Variants in ASNS observed in about 807,000 individuals in gnomAD.
ASNS encodes asparagine synthetase [glutamine-hydrolyzing].
ASNS carries 37 observed loss-of-function variants against 62.6 expected under a neutral mutation model. That is an observed-to-expected ratio of 0.59 (90% CI 0.45 to 0.78). The LOEUF (loss-of-function observed/expected upper bound fraction) is 0.78, where lower values mean the gene tolerates loss of function less well. Ranked by LOEUF, ASNS falls within the 30% of genes least tolerant of loss-of-function variation. The pLI is 0.00. For synonymous variants in ASNS, 207 were observed against 237.9 expected, an observed-to-expected ratio of 0.87 and a Z score of 1.19; for missense variants, 520 against 682.4, an observed-to-expected ratio of 0.76 and a Z score of 2.65.
chr7:97,917,570 C>A, the ASNS span, among the ~76,000 whole-genome samples: 1 of 152,242 alleles, frequency 6.6e-6, no homozygotes, highest in African/African-American at 2.4e-5. Context: ...CTTCCAGTCT[C>A]GGGCCTAGAA....
the ASNS span, among the ~76,000 whole-genome samples, chr7:97,894,062 T>G: frequency 6.6e-5 from 10 of 152,246 alleles, no homozygotes; most frequent in East Asian, 9.6e-4. Flanking sequence ...TTGAAATCAA[T>G]AAGAAGAAGA....
the ASNS span, among the ~76,000 whole-genome samples, chr7:97,885,488 C>T: frequency 1.3e-5 from 2 of 152,234 alleles, no homozygotes; most frequent in Admixed American, 1.3e-4. Context: ...CCTTTCCTCA[C>T]CCTGTGAGAC....
In ASNS at chr7:97,852,077, T is replaced by C; in HGVS notation, c.*182A>G. The C allele has an allele frequency of 1.5e-6, 1 of 658,942 alleles. No homozygotes were observed. Among genetic ancestry groups the C allele is most frequent in the Non-Finnish European group, 2.5e-6 (1 of 393,544 alleles). 40.8% of individuals were successfully genotyped at this position (658,942 alleles called of 1,614,324 possible). A position where few individuals can be genotyped will look rare whatever the true frequency, so the allele number is the denominator to read the frequency against. ...TTACTGTGATACAGCAAAACAGTTC[T>C]AGTTACCTCTTATGAAGAGACTGCA... On this transcript the variant is annotated 3_prime_UTR_variant, in exon 13 of 13. Transcript: ENST00000394308.
chr7:97,862,470 G>A (rs1791765884), intron 4 of ASNS, among the ~76,000 whole-genome samples: 1 of 152,150 alleles, frequency 6.6e-6, no homozygotes, highest in African/African-American at 2.4e-5. Flanking sequence ...GAGGACGGGA[G>A]GAAAGAATAA....
the ASNS span, among the ~76,000 whole-genome samples, chr7:97,896,425 A>G: frequency 2.5e-4 from 33 of 134,252 alleles, no homozygotes; most frequent in African/African-American, 7.0e-4. Flanking sequence ...CGTCTCTACT[A>G]AAAAAAAAAA....
At chr7:97,921,766 G>A in the ASNS span, among the ~76,000 whole-genome samples, 3 of 152,180 alleles carry the variant, frequency 2.0e-5, no homozygotes, top group Non-Finnish European at 4.4e-5. Context: ...GGGCTTTGGA[G>A]TCCCACAAAC....
chr7:97,912,515 T>C, the ASNS span, among the ~76,000 whole-genome samples: 2 of 151,524 alleles, frequency 1.3e-5, no homozygotes, highest in Non-Finnish European at 2.9e-5. Context: ...AACAACAATC[T>C]TTGACAAATT....
At chr7:97,910,956 T>C in the ASNS span, among the ~76,000 whole-genome samples, 9 of 152,186 alleles carry the variant, frequency 5.9e-5, no homozygotes, top group African/African-American at 2.2e-4. Context: ...AGGGCTAACA[T>C]GGAATCTCTG....
At chr7:97,906,243 CCCA>C in the ASNS span, among the ~76,000 whole-genome samples, 31 of 151,836 alleles carry the variant, frequency 2.0e-4, no homozygotes, top group South Asian at 6.2e-4. Flanking sequence ...CTACCAGTTT[CCCA>C]CCACCACCAC....
chr7:97,860,804 C>T (rs79921982), intron 4 of ASNS, among the ~76,000 whole-genome samples: 5,804 of 152,126 alleles, frequency 0.038, 136 homozygotes, highest in Non-Finnish European at 0.058. Flanking sequence ...ACTTGTGGGC[C>T]GTCTTTTCAC....
chr7:97,873,204 T>C (rs1792361844), upstream of ASNS, among the ~76,000 whole-genome samples: 1 of 152,270 alleles, frequency 6.6e-6, no homozygotes. Context: ...GATGATTATG[T>C]GCTTTTAAGT....
the ASNS span, among the ~76,000 whole-genome samples, chr7:97,911,339 A>G: frequency 6.6e-6 from 1 of 152,202 alleles, no homozygotes; most frequent in Non-Finnish European, 1.5e-5. Context: ...CATAACAATA[A>G]TAATAATAAA....
intron 4 of ASNS, among the ~76,000 whole-genome samples, chr7:97,860,202 T>A (rs1320994383): frequency 6.6e-6 from 1 of 152,144 alleles, no homozygotes; most frequent in Non-Finnish European, 1.5e-5. Context: ...GGATAGGGAA[T>A]GGGGAGTAAT....
chr7:97,896,739 C>CAAATATATATATATAT, the ASNS span, among the ~76,000 whole-genome samples: 2 of 32,000 alleles, frequency 6.3e-5, no homozygotes, highest in African/African-American at 6.9e-5. Context: ...CACACACACA[C>CAAATATATATATATAT]ACATATATAT....
Position 97,859,228 on chromosome 7 carries a change from C to G in ASNS, c.658G>C (p.Glu220Gln). ...TGTCTGCTACCTGGAAAGAGTTTCT[C>G]CACATTGTCATAGAGGGCGTGCAGG... ...VPLHALYDNVEKLFPGFEIET... is the reference protein window; with the variant it reads ...VPLHALYDNVQKLFPGFEIET... Residue 220 changes from glutamate (E) to glutamine (Q), a missense_variant, in exon 5 of 13, where the codon GAG becomes CAG. Transcript: ENST00000394308. 1 of 1,607,184 alleles carries G rather than the reference C, an allele frequency of 6.2e-7. No individual in the cohort carries two copies. The highest frequency in any genetic ancestry group is 8.5e-7 in the Non-Finnish European group (1 of 1,175,814).
chr7:97,854,583 T>G lies in ASNS; in HGVS notation c.1235A>C (p.His412Pro), dbSNP rs201394816. The change falls in exon 10 of 13, where the codon CAT becomes CCT. Residue 412 changes from histidine to proline, a missense_variant. Physicochemically the swap from His to Pro is moderately conservative, Grantham distance 77. Transcript: ENST00000394308. ...VLRADRTTAAHGLELRVPFLD... is the reference protein window; with the variant it reads ...VLRADRTTAAPGLELRVPFLD... ...CAATAGCCTCTAAAAATATTACCCA[T>G]GGGCAGCAGTAGTTCGATCTGCGCG... is the stretch of plus-strand genomic sequence containing the variant. 1.2e-6 allele frequency: 2 copies of G among 1,612,494 alleles called. No individual in the cohort carries two copies. Among genetic ancestry groups the G allele is most frequent in the Admixed American group, 1.7e-5 (1 of 59,748 alleles).
At chr7:97,890,965 A>T in the ASNS span, among the ~76,000 whole-genome samples, 1 of 152,218 alleles carries the variant, frequency 6.6e-6, no homozygotes, top group Non-Finnish European at 1.5e-5. Context: ...AAACATCACC[A>T]CTAAAGAAAC....
the ASNS span, among the ~76,000 whole-genome samples, chr7:97,882,312 G>A: frequency 6.6e-6 from 1 of 152,160 alleles, no homozygotes; most frequent in Non-Finnish European, 1.5e-5. Flanking sequence ...ACTTTCGGAA[G>A]CCGAGGCTGA....
chr7:97,851,988 G>A lies in ASNS; in HGVS notation c.*271C>T, dbSNP rs1791200911. 6.9e-6 allele frequency: 3 copies of A among 433,094 alleles called. No individual in the cohort carries two copies. The highest frequency in any genetic ancestry group is 1.3e-5 in the Non-Finnish European group (3 of 236,828). 26.8% of individuals were successfully genotyped at this position (433,094 alleles called of 1,614,324 possible). A position where few individuals can be genotyped will look rare whatever the true frequency, so the allele number is the denominator to read the frequency against. On this transcript the variant is annotated 3_prime_UTR_variant, in exon 13 of 13. Coordinates refer to ENST00000394308, the MANE Select transcript of ASNS (RefSeq NM_001673.5). The stretch of plus-strand genomic sequence containing the variant: ...AATGTCATCTAAAGCAGCTCTGCCA[G>A]GAGAGGGCTGTGAGTTCTTGCAGAC...
Sources: allele counts gnomAD v4.1 joint callset (sites outside exome capture counted in the v4.1 genomes callset), GRCh38; gene constraint gnomAD v4.1.1; transcripts MANE v1.5; gene names NCBI Gene and HGNC (gene_info 2026-07-23, HGNC 2026-07-21).